The following CRY1 variants were observed in gnomAD, a reference collection of about 807,000 sequenced individuals.
CRY1 encodes the protein cryptochrome-1.
In CRY1, 45 loss-of-function variants were observed where a neutral mutation model predicts 76.0. That is an observed-to-expected ratio of 0.59 (90% CI 0.47 to 0.76). CRY1 has a LOEUF of 0.76. CRY1 is among the 30% of genes least tolerant of loss of function. CRY1 has a pLI of 0.00. For synonymous variants in CRY1, 248 were observed against 244.0 expected (o/e 1.02, Z -0.15); for missense variants, 587 against 716.4 (o/e 0.82, Z 2.06).
chr12:107,001,163 T>C (rs1174056407), intron 5 of CRY1, 117 bp downstream of exon 5: 1 of 722,968 alleles, frequency 1.4e-6, no homozygotes, highest in Non-Finnish European at 2.3e-6. Flanking sequence ...ATTTTAACCA[T>C]TTCTGTTAAT....
At chr12:107,052,132 G>A (rs1283688116) in intron 1 of CRY1, among the ~76,000 whole-genome samples, 1 of 151,858 alleles carries the variant, frequency 6.6e-6, no homozygotes, top group African/African-American at 2.4e-5. Flanking sequence ...TTTTTAAAGA[G>A]AAAGACAAGA....
chr12:107,044,553 T>C (rs138782855), intron 1 of CRY1, among the ~76,000 whole-genome samples: 1 of 152,152 alleles, frequency 6.6e-6, no homozygotes, highest in Non-Finnish European at 1.5e-5. Context: ...TTTAGGAAGT[T>C]TGGAAGAGAC....
At chr12:107,024,873 G>A (rs2136848500) in intron 1 of CRY1, among the ~76,000 whole-genome samples, 1 of 152,016 alleles carries the variant, frequency 6.6e-6, no homozygotes, top group Admixed American at 6.5e-5. Flanking sequence ...TCACATAAAA[G>A]CTGCACAGAT....
At chr12:107,001,175 C>T in intron 5 of CRY1, 105 bp downstream of exon 5, 16 of 786,624 alleles carry the variant, frequency 2.0e-5, no homozygotes, top group Non-Finnish European at 2.5e-5. Flanking sequence ...TCTGTTAATC[C>T]TCCCCTTTCA....
At chr12:106,997,156 A>C in intron 10 of CRY1, 138 bp downstream of exon 10, 1 of 728,194 alleles carries the variant, frequency 1.4e-6, no homozygotes, top group Non-Finnish European at 2.4e-6. Context: ...GTGCACATGT[A>C]TGCATGCATA....
intron 1 of CRY1, among the ~76,000 whole-genome samples, chr12:107,079,715 T>C (rs572901807): frequency 6.6e-6 from 1 of 152,226 alleles, no homozygotes; most frequent in Admixed American, 6.5e-5. Context: ...CCTTGCTTAT[T>C]AAGATCCACT....
chr12:107,012,948 G>C (rs996625006), intron 2 of CRY1, among the ~76,000 whole-genome samples: 3 of 152,322 alleles, frequency 2.0e-5, no homozygotes, highest in Non-Finnish European at 4.4e-5. Flanking sequence ...GATAAAACTT[G>C]AATGGATGAG....
At chr12:107,081,597 A>T (rs748709026) in intron 1 of CRY1, among the ~76,000 whole-genome samples, 2 of 152,078 alleles carry the variant, frequency 1.3e-5, no homozygotes, top group Non-Finnish European at 2.9e-5. Flanking sequence ...AGCATCAATA[A>T]TACTGCCTAT....
At chr12:106,999,461 G>GA in intron 7 of CRY1, 90 bp downstream of exon 7, 1 of 1,227,908 alleles carries the variant, frequency 8.1e-7, no homozygotes, top group South Asian at 1.6e-5. Context: ...CACCATAAAT[G>GA]AATCTATAAA....
chr12:107,069,586 A>AGT (rs1178563434), intron 1 of CRY1, among the ~76,000 whole-genome samples: 1 of 40,944 alleles, frequency 2.4e-5, no homozygotes, highest in African/African-American at 4.6e-5. Flanking sequence ...ATATATATAA[A>AGT]GTATATATAT....
At position 107,092,828 on chromosome 12, in the gene CRY1, G is replaced by T; in HGVS notation, c.134C>A (p.Ser45Tyr). ...YILDPWFAGSSNVGINRWRFL... is the reference protein window; with the variant it reads ...YILDPWFAGSYNVGINRWRFL... Reference sequence around the variant, plus strand: ...CCGCCACCTGTTGATGCCCACATTGGAGGAGCCGGCGAACCAGGGGTCCAG... The same window carrying T: ...CCGCCACCTGTTGATGCCCACATTGTAGGAGCCGGCGAACCAGGGGTCCAG... The change falls in exon 1 of 13, where the codon TCC (serine) becomes TAC (tyrosine). Residue 45 changes from serine to tyrosine, a missense_variant. Ser to Tyr is a moderately radical substitution (Grantham distance 144, BLOSUM62 -2). Coordinates refer to ENST00000008527, the MANE Select transcript of CRY1 (RefSeq NM_004075.5). 2 of 1,611,640 alleles carry T rather than the reference G, an allele frequency of 1.2e-6. No individual in the cohort carries two copies. Among genetic ancestry groups the T allele is most frequent in the East Asian group, 2.2e-5 (1 of 44,872 alleles).
Position 107,022,126 on chromosome 12 carries a change from CACAA to C in CRY1, c.221_224del (p.Phe74Ter), listed in dbSNP as rs1952565702. 6.2e-7 allele frequency: 1 copy of C among 1,604,250 alleles called. No homozygotes were observed. The highest frequency in any genetic ancestry group is 8.5e-7 in the Non-Finnish European group (1 of 1,175,098). On this transcript the variant is annotated frameshift_variant, in exon 2 of 13. Transcript: ENST00000008527. LOFTEE classifies it high-confidence loss of function. ...ACACATCTGCTGGTTGTCCACGAAT[CACAA>C]ACAGACGGGAGTTTAATTTTCGTAG...
intron 1 of CRY1, among the ~76,000 whole-genome samples, chr12:107,040,920 A>T (rs1019349997): frequency 8.2e-6 from 1 of 121,420 alleles, no homozygotes; most frequent in Non-Finnish European, 1.8e-5. Flanking sequence ...ATAAACCTTT[A>T]AAAAAAAAAA....
intron 2 of CRY1, among the ~76,000 whole-genome samples, chr12:107,009,691 T>C (rs1478347628): frequency 6.7e-6 from 1 of 150,146 alleles, no homozygotes; most frequent in Admixed American, 6.6e-5. Flanking sequence ...GGAGGATGGC[T>C]TGAGCACAGG....
At position 107,092,957 on chromosome 12, in the gene CRY1, C is replaced by G; in HGVS notation, c.5G>C (p.Gly2Ala). 2.6e-6 allele frequency: 4 copies of G among 1,547,314 alleles called. No individual in the cohort carries two copies. The highest frequency in any genetic ancestry group is 3.5e-6 in the Non-Finnish European group (4 of 1,150,542). Residue 2 changes from glycine to alanine, a missense_variant, in exon 1 of 13, where the codon GGG (glycine) becomes GCG (alanine). Gly to Ala is a moderately conservative substitution (Grantham distance 60). Transcript: ENST00000008527. ...TCGGAACCAGTGCACGGCGTTCACC[C>G]CCATGCCGGGGGGCGCGGCGGGTCC... is the stretch of plus-strand genomic sequence containing the variant. M[G>A]VNAVHWFRKG...
intron 1 of CRY1, among the ~76,000 whole-genome samples, chr12:107,072,703 T>G (rs1953204457): frequency 6.6e-6 from 1 of 152,222 alleles, no homozygotes; most frequent in African/African-American, 2.4e-5. Flanking sequence ...ACATTCATAT[T>G]AACACATATG....
intron 1 of CRY1, among the ~76,000 whole-genome samples, chr12:107,071,156 A>G (rs1451303252): frequency 6.6e-6 from 1 of 152,152 alleles, no homozygotes; most frequent in African/African-American, 2.4e-5. Context: ...TGGCACAATA[A>G]GTAATAGTGA....
intron 1 of CRY1, among the ~76,000 whole-genome samples, chr12:107,063,861 G>C (rs567090079): frequency 5.0e-4 from 76 of 152,212 alleles, no homozygotes; most frequent in African/African-American, 1.6e-3. Context: ...GCCTCCCAAA[G>C]TGCTGGGATT....
intron 1 of CRY1, among the ~76,000 whole-genome samples, chr12:107,071,348 T>C (rs1218318141): frequency 2.0e-5 from 3 of 152,220 alleles, no homozygotes; most frequent in Non-Finnish European, 4.4e-5. Context: ...GAAGTGATCA[T>C]ATAATTATAC....
Sources: gnomAD v4.1 joint callset for allele counts (sites outside exome capture counted in the v4.1 genomes callset) on GRCh38, gnomAD v4.1.1 for gene constraint, MANE v1.5 for transcripts, NCBI Gene and HGNC (gene_info 2026-07-23, HGNC 2026-07-21) for gene names.